LRRTM4: variants seen among roughly 807,000 people sequenced by gnomAD.
The protein encoded by LRRTM4 is leucine rich repeat transmembrane neuronal 4.
In LRRTM4, 25 loss-of-function variants were observed where a neutral mutation model predicts 47.6. The observed-to-expected ratio is 0.53, with a 90% CI of 0.38 to 0.73. LRRTM4 has a LOEUF of 0.73. Among genes scored for constraint, LRRTM4 ranks in the 30% least tolerant of loss-of-function variants. The pLI is 0.00. For synonymous variants in LRRTM4, 311 were observed against 269.5 expected, an observed-to-expected ratio of 1.15 and a Z score of -1.51; for missense variants, 638 against 713.4, an observed-to-expected ratio of 0.89 and a Z score of 1.20.
At chr2:77,263,008 G>A (rs1437647994) in intron 3 of LRRTM4, among the ~76,000 whole-genome samples, 1 of 152,094 alleles carries the variant, frequency 6.6e-6, no homozygotes, top group Non-Finnish European at 1.5e-5. Context: ...GATTACAAGT[G>A]ATTAGAAGGT....
intron 3 of LRRTM4, among the ~76,000 whole-genome samples, chr2:77,314,038 C>A (rs569473206): frequency 6.6e-6 from 1 of 152,278 alleles, no homozygotes; most frequent in Admixed American, 6.5e-5. Context: ...ATGCAACTTA[C>A]AATATCCTAT....
intron 3 of LRRTM4, among the ~76,000 whole-genome samples, chr2:77,491,125 G>A (rs981397195): frequency 1.3e-5 from 2 of 151,498 alleles, no homozygotes; most frequent in African/African-American, 2.4e-5. Flanking sequence ...GATATACAAG[G>A]GATTTGAGAA....
intron 3 of LRRTM4, among the ~76,000 whole-genome samples, chr2:76,915,275 A>T (rs76071076): frequency 1.3e-5 from 2 of 152,120 alleles, no homozygotes; most frequent in African/African-American, 4.8e-5. Context: ...ATCATTCTGG[A>T]AAGTTCATCA....
At chr2:76,951,740 C>T (rs990982187) in intron 3 of LRRTM4, among the ~76,000 whole-genome samples, 1 of 151,928 alleles carries the variant, frequency 6.6e-6, no homozygotes, top group East Asian at 2.0e-4. Context: ...GTTTTAAGCC[C>T]CGCATGCATT....
intron 3 of LRRTM4, among the ~76,000 whole-genome samples, chr2:77,002,677 A>C (rs1409882323): frequency 6.6e-6 from 1 of 151,942 alleles, no homozygotes; most frequent in Non-Finnish European, 1.5e-5. Context: ...ATTTCTGAAA[A>C]CACCTTGTTC....
chr2:76,985,404 C>A (rs778188553), intron 3 of LRRTM4, among the ~76,000 whole-genome samples: 2 of 151,966 alleles, frequency 1.3e-5, no homozygotes, highest in Admixed American at 6.6e-5. Flanking sequence ...GATAGCATTT[C>A]TTTCCGTTCG....
chr2:77,048,004 A>G (rs560583090), intron 3 of LRRTM4, among the ~76,000 whole-genome samples: 20 of 152,134 alleles, frequency 1.3e-4, no homozygotes, highest in African/African-American at 4.8e-4. Flanking sequence ...TAAGGTGATT[A>G]TTTTTATATC....
intron 3 of LRRTM4, among the ~76,000 whole-genome samples, chr2:77,067,468 T>G (rs936438744): frequency 6.6e-6 from 1 of 151,556 alleles, no homozygotes; most frequent in Non-Finnish European, 1.5e-5. Context: ...GCAGTGTGGG[T>G]GGGGGGCTGG....
intron 3 of LRRTM4, among the ~76,000 whole-genome samples, chr2:76,922,656 T>C (rs1674469138): frequency 6.6e-6 from 1 of 150,948 alleles, no homozygotes; most frequent in South Asian, 2.1e-4. Context: ...GGTCAAAGCA[T>C]AAACTTTTAG....
chr2:77,243,131 G>A (rs1454522312), intron 3 of LRRTM4, among the ~76,000 whole-genome samples: 4 of 152,052 alleles, frequency 2.6e-5, no homozygotes, highest in Admixed American at 1.3e-4. Context: ...AGATAAATAC[G>A]GCCAGGCACG....
chr2:77,223,458 C>G (rs1262563680), intron 3 of LRRTM4, among the ~76,000 whole-genome samples: 1 of 152,126 alleles, frequency 6.6e-6, no homozygotes, highest in Non-Finnish European at 1.5e-5. Flanking sequence ...ATCTAGAAAA[C>G]CCCATTGTCT....
chr2:77,045,424 C>T (rs1558546948), intron 3 of LRRTM4, among the ~76,000 whole-genome samples: 1 of 151,812 alleles, frequency 6.6e-6, no homozygotes, highest in Non-Finnish European at 1.5e-5. Context: ...TCATTATTCA[C>T]CTTTTAAAAC....
At chr2:76,812,102 C>T (rs1259170178) in intron 3 of LRRTM4, among the ~76,000 whole-genome samples, 1 of 152,076 alleles carries the variant, frequency 6.6e-6, no homozygotes, top group Non-Finnish European at 1.5e-5. Flanking sequence ...ATTTGAACTT[C>T]ATAAAGCACT....
chr2:77,104,010 A>C (rs923503437), intron 3 of LRRTM4, among the ~76,000 whole-genome samples: 2 of 152,190 alleles, frequency 1.3e-5, no homozygotes, highest in African/African-American at 4.8e-5. Flanking sequence ...TTTTACTTGA[A>C]TATCTAATAG....
intron 3 of LRRTM4, among the ~76,000 whole-genome samples, chr2:76,809,789 C>A (rs2103814538): frequency 6.6e-6 from 1 of 152,290 alleles, no homozygotes; most frequent in Middle Eastern, 3.4e-3. Flanking sequence ...TCATGTGGAT[C>A]CAGCCACAGT....
At chr2:76,988,487 TC>T (rs1339430886) in intron 3 of LRRTM4, among the ~76,000 whole-genome samples, 1 of 151,842 alleles carries the variant, frequency 6.6e-6, no homozygotes, top group Non-Finnish European at 1.5e-5. Context: ...ACAAGAGTTT[TC>T]TTTTTTCCCT....
At chr2:77,249,426 C>T (rs551049964) in intron 3 of LRRTM4, among the ~76,000 whole-genome samples, 47 of 151,672 alleles carry the variant, frequency 3.1e-4, no homozygotes, top group African/African-American at 1.1e-3. Context: ...AAATGAGAAG[C>T]CACAAACCGT....
intron 3 of LRRTM4, among the ~76,000 whole-genome samples, chr2:77,000,310 GA>G (rs3057996): frequency 8.0e-4 from 117 of 145,710 alleles, no homozygotes; most frequent in Middle Eastern, 3.7e-3. Flanking sequence ...GGGATTTCTA[GA>G]AAAAAAAAAA....
intron 3 of LRRTM4, among the ~76,000 whole-genome samples, chr2:77,497,163 T>C (rs1426145797): frequency 6.6e-6 from 1 of 151,656 alleles, no homozygotes; most frequent in African/African-American, 2.4e-5. Flanking sequence ...ATTTCTGATA[T>C]TGGTAATTTG....
Sources: allele counts gnomAD v4.1 joint callset (sites outside exome capture counted in the v4.1 genomes callset), GRCh38; gene constraint gnomAD v4.1.1; transcripts MANE v1.5; gene names NCBI Gene and HGNC (gene_info 2026-07-23, HGNC 2026-07-21).